DLG2: variants seen among roughly 807,000 people sequenced by gnomAD.
DLG2 encodes disks large homolog 2.
In DLG2, 45 loss-of-function variants were observed where a neutral mutation model predicts 132.5. The observed-to-expected ratio is 0.34, with a 90% CI of 0.27 to 0.44. The LOEUF is 0.44. Ranked by LOEUF, DLG2 falls within the 20% of genes least tolerant of loss-of-function variation. The pLI, the probability that DLG2 is intolerant of heterozygous loss-of-function variation, is 1.00. For synonymous variants in DLG2, 424 were observed against 419.6 expected, an observed-to-expected ratio of 1.01 and a Z score of -0.13; for missense variants, 1,045 against 1,196.9, an observed-to-expected ratio of 0.87 and a Z score of 1.87.
intron 3 of DLG2, among the ~76,000 whole-genome samples, chr11:85,494,622 C>G (rs1051180927): frequency 6.6e-6 from 1 of 151,462 alleles, no homozygotes; most frequent in African/African-American, 2.4e-5. Flanking sequence ...ATAAAATACT[C>G]TTGGAAAATG....
chr11:84,019,254 G>A (rs749578510), intron 11 of DLG2, among the ~76,000 whole-genome samples: 1 of 152,042 alleles, frequency 6.6e-6, no homozygotes, highest in Non-Finnish European at 1.5e-5. Flanking sequence ...AAAATTCTAT[G>A]TATTTCCAGG....
chr11:84,465,223 T>A (rs984482796), intron 7 of DLG2, among the ~76,000 whole-genome samples: 1 of 151,212 alleles, frequency 6.6e-6, no homozygotes, highest in Non-Finnish European at 1.5e-5. Flanking sequence ...TTCTCTTAAA[T>A]CCCTGGAAAC....
intron 4 of DLG2, among the ~76,000 whole-genome samples, chr11:85,185,778 T>C (rs564559771): frequency 1.3e-5 from 2 of 152,024 alleles, no homozygotes; most frequent in South Asian, 2.1e-4. Flanking sequence ...CATTATCACA[T>C]ATATTACATA....
intron 8 of DLG2, among the ~76,000 whole-genome samples, chr11:84,183,218 A>C (rs776739273): frequency 1.3e-4 from 20 of 152,316 alleles, no homozygotes; most frequent in Middle Eastern, 3.4e-3. Context: ...GAAGCACAAA[A>C]AATACTTTCT....
chr11:83,736,320 T>C (rs577561607), intron 18 of DLG2, among the ~76,000 whole-genome samples: 47 of 152,260 alleles, frequency 3.1e-4, no homozygotes, highest in African/African-American at 1.1e-3. Context: ...AAAAGGGTAT[T>C]ACACAAGTGT....
chr11:84,517,058 TAAA>T (rs36091027), intron 7 of DLG2, among the ~76,000 whole-genome samples: 1 of 112,274 alleles, frequency 8.9e-6, no homozygotes, highest in Non-Finnish European at 1.8e-5. Context: ...TATTCTATCC[TAAA>T]AAAAAAAAAA....
intron 3 of DLG2, among the ~76,000 whole-genome samples, chr11:85,379,415 G>A (rs1478258766): frequency 2.6e-5 from 4 of 152,106 alleles, no homozygotes; most frequent in African/African-American, 9.7e-5. Context: ...TCCTAGTACA[G>A]GAATGCTCTA....
intron 6 of DLG2, among the ~76,000 whole-genome samples, chr11:84,989,375 C>T (rs749596466): frequency 1.8e-4 from 27 of 152,106 alleles, no homozygotes; most frequent in Middle Eastern, 3.2e-3. Context: ...GGGGTTTCAC[C>T]ATGTTGGCCG....
chr11:83,917,425 C>T (rs1209473846), intron 15 of DLG2, among the ~76,000 whole-genome samples: 1 of 151,996 alleles, frequency 6.6e-6, no homozygotes, highest in Non-Finnish European at 1.5e-5. Context: ...TGAAACTTCT[C>T]CAGAGCATCT....
intron 10 of DLG2, among the ~76,000 whole-genome samples, chr11:84,064,205 G>T (rs2096636362): frequency 6.6e-6 from 1 of 152,098 alleles, no homozygotes. Context: ...CATTTAAAAT[G>T]ATCATCAAGT....
intron 19 of DLG2, among the ~76,000 whole-genome samples, chr11:83,545,164 T>C (rs899361299): frequency 2.0e-5 from 3 of 152,146 alleles, no homozygotes; most frequent in African/African-American, 7.2e-5. Context: ...CTGCCTAGGT[T>C]TGCAGTTTTT....
chr11:84,211,979 A>G (rs1228128433), intron 8 of DLG2, among the ~76,000 whole-genome samples: 8 of 152,212 alleles, frequency 5.3e-5, no homozygotes, highest in Admixed American at 2.6e-4. Flanking sequence ...TGAGCTGGAA[A>G]GGCTCAGTGC....
Position 83,853,069 on chromosome 11 carries a change from T to C in DLG2, c.1566-19299A>G, listed in dbSNP as rs566669087. ...TTTTTAGAAGAATCATCAAAATTTT[T>C]CCTCTAAACAAATATGTGTAGCCTC... On this transcript the variant is annotated intron_variant, in intron 16 of 27. Transcript: ENST00000376104. 1.2e-4 allele frequency among the ~76,000 whole-genome samples: 18 copies of C among 152,324 alleles called. 1 individual carries two copies. The East Asian group carries it at 3.5e-3, about 29-fold the overall frequency.
intron 6 of DLG2, among the ~76,000 whole-genome samples, chr11:85,014,033 A>G (rs1765171336): frequency 1.3e-5 from 2 of 152,202 alleles, no homozygotes; most frequent in African/African-American, 4.8e-5. Flanking sequence ...ATTCTCCTCA[A>G]AAGAGAGGAC....
At chr11:84,966,572 G>A (rs1213327183) in intron 6 of DLG2, among the ~76,000 whole-genome samples, 1 of 152,088 alleles carries the variant, frequency 6.6e-6, no homozygotes, top group Non-Finnish European at 1.5e-5. Flanking sequence ...CTCTGGCATA[G>A]TCTTGGCATG....
intron 6 of DLG2, chr11:85,021,795 G>A (rs532572326): frequency 3.3e-5 from 17 of 514,598 alleles, no homozygotes; most frequent in South Asian, 2.2e-4. Flanking sequence ...ACTGCTGCTC[G>A]AGGTGGGTAA....
In DLG2 at chr11:85,504,955, T is replaced by C. The variant is rs1353720479; in HGVS notation, c.40+93702A>G. ...CCCTTGTAAGTTGGATTCCTAGGTA[T>C]TTTATTCTCTTTGAAGCAATTGTGA... On this transcript the variant is annotated intron_variant, in intron 3 of 27. Coordinates refer to ENST00000376104, the MANE Select transcript of DLG2 (RefSeq NM_001142699.3). Among the ~76,000 whole-genome samples, 4 of 152,180 alleles carry C rather than the reference T, an allele frequency of 2.6e-5. No homozygotes were observed. The East Asian group carries it at 5.8e-4, about 22-fold the overall frequency.
chr11:84,176,310 G>A (rs966274036), intron 8 of DLG2, among the ~76,000 whole-genome samples: 4 of 87,516 alleles, frequency 4.6e-5, no homozygotes, highest in Admixed American at 1.3e-4. Flanking sequence ...ATGCTAAGCA[G>A]TAAAGCTTAT....
chr11:83,486,456 AG>A (rs1470734568), intron 21 of DLG2, among the ~76,000 whole-genome samples: 2 of 152,076 alleles, frequency 1.3e-5, no homozygotes, highest in African/African-American at 4.8e-5. Context: ...GAAGGCTTTG[AG>A]GGCCCAAAAT....
Sources: allele counts gnomAD v4.1 joint callset (sites outside exome capture counted in the v4.1 genomes callset), GRCh38; gene constraint gnomAD v4.1.1; transcripts MANE v1.5; gene names NCBI Gene and HGNC (gene_info 2026-07-23, HGNC 2026-07-21).